ASTN2: variants seen among roughly 807,000 people sequenced by gnomAD.
ASTN2 encodes the protein astrotactin-2.
Under a neutral mutation model 139.8 loss-of-function variants are expected in ASTN2, and 54 were observed. The ratio of observed to expected loss-of-function variants is 0.39; its 90% confidence interval spans 0.31 to 0.48. ASTN2 has a LOEUF of 0.48. Ranked by LOEUF, ASTN2 falls within the 20% of genes least tolerant of loss-of-function variation. ASTN2 has a pLI of 0.95. For synonymous variants in ASTN2, 756 were observed against 719.5 expected, an observed-to-expected ratio of 1.05 and a Z score of -0.81; for missense variants, 1,565 against 1,725.1, an observed-to-expected ratio of 0.91 and a Z score of 1.64.
At chr9:117,300,965 T>C (rs1834861740) in intron 1 of ASTN2, among the ~76,000 whole-genome samples, 1 of 152,200 alleles carries the variant, frequency 6.6e-6, no homozygotes, top group African/African-American at 2.4e-5. Context: ...CTGCATCTTT[T>C]ACATGAAACT....
chr9:116,606,271 C>T (rs1262715765), intron 19 of ASTN2, among the ~76,000 whole-genome samples: 1 of 152,150 alleles, frequency 6.6e-6, no homozygotes, highest in Non-Finnish European at 1.5e-5. Context: ...CGAGCGATGG[C>T]TTCTCTGAAG....
chr9:116,955,953 A>G (rs1835693791), intron 10 of ASTN2, among the ~76,000 whole-genome samples: 1 of 152,236 alleles, frequency 6.6e-6, no homozygotes, highest in South Asian at 2.1e-4. Context: ...GGGGAAGGAC[A>G]GGAGTCTCTT....
intron 1 of ASTN2, among the ~76,000 whole-genome samples, chr9:117,403,874 G>A (rs544984374): frequency 6.6e-6 from 1 of 152,242 alleles, no homozygotes; most frequent in Admixed American, 6.5e-5. Flanking sequence ...CCAAGAGAAT[G>A]AGCAGACATC....
rs112207608 is a variant in ASTN2 at position 116,921,394 on chromosome 9, C to A, written c.1889+53814G>T. On this transcript the variant is annotated intron_variant, in intron 10 of 22. Transcript: ENST00000313400. ...ACATGGTCAGGAGATTGAGACAATA[C>A]TGACTAACACGGTGAAACTCTGTCT... Among the ~76,000 whole-genome samples, 152 of 113,388 alleles carry A rather than the reference C, an allele frequency of 1.3e-3. 1 individual carries two copies. Among genetic ancestry groups the A allele is most frequent in the African/African-American group, 3.5e-3 (137 of 39,596 alleles). The allele number at this position is 113,388 out of a possible 152,430, so 74.4% of individuals were successfully genotyped here.
At chr9:116,687,706 G>A (rs540442765) in intron 16 of ASTN2, among the ~76,000 whole-genome samples, 4 of 152,104 alleles carry the variant, frequency 2.6e-5, no homozygotes, top group Non-Finnish European at 4.4e-5. Flanking sequence ...TGTAGCATGT[G>A]GGAGATGGGA....
intron 3 of ASTN2, among the ~76,000 whole-genome samples, chr9:117,153,909 G>C (rs1161495273): frequency 6.6e-6 from 1 of 151,978 alleles, no homozygotes; most frequent in Non-Finnish European, 1.5e-5. Flanking sequence ...CTCAATGAAG[G>C]GTATAAAAAT....
intron 3 of ASTN2, among the ~76,000 whole-genome samples, chr9:117,158,711 T>C (rs1360871491): frequency 9.9e-5 from 15 of 152,014 alleles, no homozygotes; most frequent in Admixed American, 9.8e-4. Context: ...GGAAGAACAC[T>C]GGTGAAATGT....
intron 3 of ASTN2, among the ~76,000 whole-genome samples, chr9:117,199,436 G>T (rs1349073932): frequency 6.6e-6 from 1 of 152,146 alleles, no homozygotes; most frequent in African/African-American, 2.4e-5. Context: ...GGTTGTAGAT[G>T]TGTGGTGTTA....
At chr9:116,988,357 C>T (rs1050356574) in intron 7 of ASTN2, among the ~76,000 whole-genome samples, 6 of 152,204 alleles carry the variant, frequency 3.9e-5, no homozygotes, top group African/African-American at 1.4e-4. Context: ...ATAAGTATCA[C>T]CTGCTATTGC....
At chr9:117,030,697 G>T (rs934030198) in intron 6 of ASTN2, among the ~76,000 whole-genome samples, 1 of 151,654 alleles carries the variant, frequency 6.6e-6, no homozygotes, top group Non-Finnish European at 1.5e-5. Flanking sequence ...GCAGAAAATG[G>T]CTTAAATTTT....
At chr9:117,355,570 T>C (rs1390915661) in intron 1 of ASTN2, among the ~76,000 whole-genome samples, 1 of 151,664 alleles carries the variant, frequency 6.6e-6, no homozygotes, top group Non-Finnish European at 1.5e-5. Flanking sequence ...AGGCAGAAGG[T>C]GGGAGTGGAG....
chr9:116,847,872 A>G (rs752276790), intron 11 of ASTN2, among the ~76,000 whole-genome samples: 6 of 152,212 alleles, frequency 3.9e-5, no homozygotes, highest in Non-Finnish European at 8.8e-5. Flanking sequence ...TGGAAGAATA[A>G]TATCCTGAGG....
At chr9:117,176,935 G>T (rs539747597) in intron 3 of ASTN2, among the ~76,000 whole-genome samples, 7 of 152,244 alleles carry the variant, frequency 4.6e-5, no homozygotes, top group African/African-American at 9.6e-5. Flanking sequence ...AAAAAATAAA[G>T]AATTAATACA....
At chr9:116,480,827 G>C (rs1849144273) in intron 20 of ASTN2, among the ~76,000 whole-genome samples, 1 of 152,196 alleles carries the variant, frequency 6.6e-6, no homozygotes, top group Non-Finnish European at 1.5e-5. Flanking sequence ...CTGCAGAGTG[G>C]TGGGTAGGGG....
chr9:116,565,815 C>T (rs1038311824), intron 19 of ASTN2, among the ~76,000 whole-genome samples: 4 of 152,160 alleles, frequency 2.6e-5, no homozygotes, highest in South Asian at 4.2e-4. Context: ...AATGTTGGCT[C>T]CAATCCAATA....
intron 2 of ASTN2, among the ~76,000 whole-genome samples, chr9:117,265,856 G>T (rs1833928893): frequency 6.6e-6 from 1 of 151,836 alleles, no homozygotes; most frequent in African/African-American, 2.4e-5. Flanking sequence ...TAAGAGGTGG[G>T]ATTATCGAAT....
intron 10 of ASTN2, among the ~76,000 whole-genome samples, chr9:116,974,789 G>T (rs1052517314): frequency 2.6e-5 from 4 of 152,068 alleles, no homozygotes; most frequent in African/African-American, 7.2e-5. Context: ...GATTACAGGC[G>T]TGAGCCACCA....
intron 7 of ASTN2, among the ~76,000 whole-genome samples, chr9:117,003,843 GA>G (rs953931624): frequency 4.3e-4 from 64 of 149,264 alleles, no homozygotes; most frequent in Admixed American, 3.0e-3. Context: ...AAAAATAATG[GA>G]AAAAAAAATC....
chr9:116,783,765 G>A (rs1830286368), intron 13 of ASTN2, among the ~76,000 whole-genome samples: 1 of 152,128 alleles, frequency 6.6e-6, no homozygotes, highest in African/African-American at 2.4e-5. Context: ...AGTACAGGGT[G>A]TAAAGAGCTA....
Sources: allele counts gnomAD v4.1 joint callset (sites outside exome capture counted in the v4.1 genomes callset), GRCh38; gene constraint gnomAD v4.1.1; transcripts MANE v1.5; gene names NCBI Gene and HGNC (gene_info 2026-07-23, HGNC 2026-07-21).